PALS1: variants seen among roughly 807,000 people sequenced by gnomAD.
PALS1 encodes the protein protein associated with LIN7 1, MAGUK p55 family member.
A neutral mutation model predicts 78.9 loss-of-function variants in PALS1; 31 were observed. The observed-to-expected ratio is 0.39, with a 90% CI of 0.30 to 0.53. The LOEUF (loss-of-function observed/expected upper bound fraction) is 0.53, where lower values mean the gene tolerates loss of function less well. PALS1 is among the 20% of genes least tolerant of loss of function. PALS1 has a pLI of 0.67. For missense variants in PALS1, 704 were observed against 826.5 expected (o/e 0.85, Z 1.82); for synonymous variants, 276 against 270.9 (o/e 1.02, Z -0.18).
intron 4 of PALS1, among the ~76,000 whole-genome samples, chr14:67,300,645 A>T (rs182748698): frequency 1.3e-5 from 2 of 151,974 alleles, no homozygotes; most frequent in African/African-American, 4.8e-5. Flanking sequence ...AGATTTTCTT[A>T]ATCAGTCTTT....
In PALS1 at chr14:67,292,580, A is replaced by G. The variant is rs776097716; in HGVS notation, c.437A>G (p.Asp146Gly). 2.5e-6 allele frequency: 4 copies of G among 1,613,566 alleles called. No homozygotes were observed. The highest frequency in any genetic ancestry group is 3.4e-6 in the Non-Finnish European group (4 of 1,179,686). Reference sequence around the variant, plus strand: ...TTGGTAGATTCTCAGAGCCAGGAGGATATTTCACTGCTTTTACAACTTGTT... The same window carrying G: ...TTGGTAGATTCTCAGAGCCAGGAGGGTATTTCACTGCTTTTACAACTTGTT... ...HTLVDSQSQEDISLLLQLVQN... is the reference protein window; with the variant it reads ...HTLVDSQSQEGISLLLQLVQN... Residue 146 changes from aspartate to glycine, a missense_variant, in exon 4 of 15, where the codon GAT becomes GGT. Asp to Gly is a moderately conservative substitution (Grantham distance 94). Transcript: ENST00000261681.
At chr14:67,292,839 C>A in intron 4 of PALS1, 120 bp downstream of exon 4, 1 of 734,474 alleles carries the variant, frequency 1.4e-6, no homozygotes, top group East Asian at 2.8e-5. Flanking sequence ...CTGTTAATTA[C>A]ATGTTAATAA....
At chr14:67,318,515 G>T (rs2085213039) in intron 11 of PALS1, among the ~76,000 whole-genome samples, 1 of 152,094 alleles carries the variant, frequency 6.6e-6, no homozygotes, top group African/African-American at 2.4e-5. Context: ...GAACCTTATG[G>T]ATATACACAC....
chr14:67,272,250 TC>T (rs1223450958), intron 2 of PALS1, among the ~76,000 whole-genome samples: 1 of 152,194 alleles, frequency 6.6e-6, no homozygotes, highest in Non-Finnish European at 1.5e-5. Context: ...AGTCCTATCT[TC>T]CACTACTCTC....
chr14:67,322,861 C>A (rs1595616714), intron 13 of PALS1, among the ~76,000 whole-genome samples: 1 of 152,160 alleles, frequency 6.6e-6, no homozygotes, highest in Admixed American at 6.5e-5. Flanking sequence ...TTTGAGCACA[C>A]ACAGTCATGC....
At chr14:67,257,961 A>G (rs1355506242) in intron 1 of PALS1, among the ~76,000 whole-genome samples, 3 of 152,126 alleles carry the variant, frequency 2.0e-5, no homozygotes, top group Non-Finnish European at 2.9e-5. Context: ...GGTAGTGAAT[A>G]TTTGCATCAT....
intron 4 of PALS1, among the ~76,000 whole-genome samples, chr14:67,294,122 C>A (rs1018052449): frequency 6.6e-6 from 1 of 152,162 alleles, no homozygotes; most frequent in Admixed American, 6.5e-5. Context: ...GGATAGTTCA[C>A]ATATTCACAT....
At chr14:67,275,532 T>C (rs767200836) in intron 2 of PALS1, among the ~76,000 whole-genome samples, 4 of 152,230 alleles carry the variant, frequency 2.6e-5, no homozygotes, top group Admixed American at 6.5e-5. Flanking sequence ...CAGTATTTTA[T>C]TGAAGATTTT....
intron 9 of PALS1, among the ~76,000 whole-genome samples, chr14:67,314,023 C>A (rs1455644665): frequency 6.6e-6 from 1 of 151,456 alleles, no homozygotes; most frequent in African/African-American, 2.4e-5. Context: ...CTGAATTAGA[C>A]CTTTCAATGC....
chr14:67,324,080 T>A (rs1344515574), intron 14 of PALS1, among the ~76,000 whole-genome samples: 1 of 152,204 alleles, frequency 6.6e-6, no homozygotes, highest in Non-Finnish European at 1.5e-5. Context: ...GCCACCAAAG[T>A]TATCAGCCAA....
At chr14:67,281,645 T>G (rs1487327117) in intron 3 of PALS1, among the ~76,000 whole-genome samples, 1 of 152,200 alleles carries the variant, frequency 6.6e-6, no homozygotes, top group Non-Finnish European at 1.5e-5. Context: ...CCATTTGGTT[T>G]ACTTAGAATC....
At chr14:67,277,506 G>A (rs2084525765) in intron 2 of PALS1, among the ~76,000 whole-genome samples, 1 of 152,018 alleles carries the variant, frequency 6.6e-6, no homozygotes. Flanking sequence ...CTTTTGCTTA[G>A]TTGGCATTGT....
chr14:67,271,531 G>A (rs1478711090), intron 2 of PALS1: 1 of 152,166 alleles, frequency 6.6e-6, no homozygotes, highest in East Asian at 1.9e-4. Flanking sequence ...AATGTGACAG[G>A]GATTATAGGA....
chr14:67,325,588 T>TAA (rs2085340338), intron 14 of PALS1, among the ~76,000 whole-genome samples: 1 of 152,146 alleles, frequency 6.6e-6, no homozygotes. Flanking sequence ...TGTGTAAAAT[T>TAA]TAGTGTCCAA....
intron 9 of PALS1, among the ~76,000 whole-genome samples, chr14:67,314,610 G>A (rs2085140759): frequency 6.6e-6 from 1 of 152,200 alleles, no homozygotes; most frequent in African/African-American, 2.4e-5. Context: ...CCAAATATCA[G>A]TATGGTGTCT....
intron 9 of PALS1, among the ~76,000 whole-genome samples, chr14:67,314,543 A>G (rs898156383): frequency 6.6e-6 from 1 of 152,176 alleles, no homozygotes; most frequent in African/African-American, 2.4e-5. Context: ...GTTACAGGAC[A>G]TTTCTCTAGA....
chr14:67,289,522 CTATA>C (rs2084740340), intron 3 of PALS1, among the ~76,000 whole-genome samples: 1 of 151,762 alleles, frequency 6.6e-6, no homozygotes, highest in Non-Finnish European at 1.5e-5. Flanking sequence ...CGAGGGATAA[CTATA>C]TATATAAAAT....
intron 4 of PALS1, among the ~76,000 whole-genome samples, chr14:67,295,720 G>T (rs1270226241): frequency 6.6e-6 from 1 of 152,204 alleles, no homozygotes; most frequent in Non-Finnish European, 1.5e-5. Context: ...AGTATTGTTT[G>T]TGAACTTATG....
intron 2 of PALS1, among the ~76,000 whole-genome samples, chr14:67,278,482 T>A (rs567312756): frequency 1.3e-5 from 2 of 152,268 alleles, no homozygotes; most frequent in South Asian, 4.1e-4. Flanking sequence ...TCTCAAAAAC[T>A]CTTAAAGATG....
Sources: gnomAD v4.1 joint callset for allele counts (sites outside exome capture counted in the v4.1 genomes callset) on GRCh38, gnomAD v4.1.1 for gene constraint, MANE v1.5 for transcripts, NCBI Gene and HGNC (gene_info 2026-07-23, HGNC 2026-07-21) for gene names.